The following CLDN12 variants were observed in gnomAD, a reference collection of about 807,000 sequenced individuals.
CLDN12 encodes claudin-12.
A neutral mutation model predicts 15.5 loss-of-function variants in CLDN12; 9 were observed. The ratio of observed to expected loss-of-function variants is 0.58; its 90% confidence interval spans 0.35 to 1.02. The LOEUF (loss-of-function observed/expected upper bound fraction) is 1.02, where lower values mean the gene tolerates loss of function less well. Ranked by LOEUF, CLDN12 falls within the 50% of genes least tolerant of loss-of-function variation. The pLI is 0.02. For synonymous variants in CLDN12, 140 were observed against 121.6 expected (o/e 1.15, Z -1.00); for missense variants, 233 against 297.3 (o/e 0.78, Z 1.59).
intron 2 of CLDN12, among the ~76,000 whole-genome samples, chr7:90,411,692 A>G (rs1796966883): frequency 6.6e-6 from 1 of 152,188 alleles, no homozygotes; most frequent in African/African-American, 2.4e-5. Flanking sequence ...TTCAGGGACC[A>G]TTGTTCTCAT....
intron 2 of CLDN12, among the ~76,000 whole-genome samples, chr7:90,410,555 T>A (rs1796937849): frequency 6.6e-6 from 1 of 152,212 alleles, no homozygotes; most frequent in Non-Finnish European, 1.5e-5. Context: ...TGGGCGCAGT[T>A]GCTCATGACT....
chr7:90,404,017 G>A (rs186995872), intron 1 of CLDN12, among the ~76,000 whole-genome samples: 118 of 145,302 alleles, frequency 8.1e-4, no homozygotes, highest in African/African-American at 2.8e-3. Context: ...AAAGAGGGAG[G>A]AGGAGAGGAG....
rs142246998 is a variant in CLDN12 at position 90,414,551 on chromosome 7, C to T, written c.*1140C>T. On this transcript the variant is annotated 3_prime_UTR_variant, in exon 4 of 4. Transcript: ENST00000496677. The stretch of plus-strand genomic sequence containing the variant: ...ACCTGGCAGTTGGGGAATAATCTGA[C>T]TTCGTTGGCAGTTGGCCTTAACTTC... 7.8e-4 allele frequency: 229 copies of T among 294,278 alleles called. 1 individual carries two copies. The highest frequency in any genetic ancestry group is 4.5e-3 in the African/African-American group (196 of 43,768). 18.2% of individuals were successfully genotyped at this position (294,278 alleles called of 1,614,324 possible).
At chr7:90,412,500 C>T (rs774393759) in intron 3 of CLDN12, 144 bp from the exon 4 acceptor site, 3 of 658,966 alleles carry the variant, frequency 4.6e-6, no homozygotes, top group Non-Finnish European at 7.7e-6. Flanking sequence ...TACATTTGTA[C>T]TGTACAGAGA....
In CLDN12 at chr7:90,413,020, C is replaced by T; in HGVS notation, c.344C>T (p.Ser115Phe). Residue 115 changes from serine to phenylalanine, a missense_variant, in exon 4 of 4, where the codon TCC (serine) becomes TTC (phenylalanine). By Grantham distance (155) the Ser-to-Phe change is radical. Transcript: ENST00000496677. ...GGAATGTGCAACACTGCCTTCAGGT[C>T]CTCGGTGCCCAACATCAAACTGGCC... ...LIGMCNTAFR[S>F]SVPNIKLAKC... 3.1e-6 allele frequency: 5 copies of T among 1,614,210 alleles called. No homozygotes were observed. Among genetic ancestry groups the T allele is most frequent in the Non-Finnish European group, 4.2e-6 (5 of 1,180,040 alleles).
Position 90,415,240 on chromosome 7 carries a change from T to G in CLDN12, c.*1829T>G, listed in dbSNP as rs1468418122. 1.2e-5 allele frequency: 2 copies of G among 165,792 alleles called. No individual in the cohort carries two copies. The allele number at this position is 165,792 out of a possible 1,614,324, so 10.3% of individuals were successfully genotyped here. A position where few individuals can be genotyped will look rare whatever the true frequency, so the allele number is the denominator to read the frequency against. ...TCTGATTTCTTTCACTTCTGATCCT[T>G]TTCCTTTTTCTCAGATGTAGCTGAG... On this transcript the variant is annotated 3_prime_UTR_variant, in exon 4 of 4. Transcript: ENST00000496677.
chr7:90,411,489 G>A (rs376626518), intron 2 of CLDN12, among the ~76,000 whole-genome samples: 3 of 152,162 alleles, frequency 2.0e-5, no homozygotes, highest in Non-Finnish European at 4.4e-5. Context: ...AAGGCCTGGC[G>A]ACTGTTTTTC....
At chr7:90,407,766 A>C (rs1384527909) in intron 2 of CLDN12, among the ~76,000 whole-genome samples, 1 of 152,234 alleles carries the variant, frequency 6.6e-6, no homozygotes, top group Admixed American at 6.5e-5. Flanking sequence ...AGAATGAGTA[A>C]ATATTAGCCA....
At chr7:90,412,597 C>A in intron 3 of CLDN12, 47 bp from the exon 4 acceptor site, 1 of 1,476,250 alleles carries the variant, frequency 6.8e-7, no homozygotes, top group Non-Finnish European at 9.2e-7. Flanking sequence ...CTGCTCTGTT[C>A]TGCTATTGTC....
intron 2 of CLDN12, among the ~76,000 whole-genome samples, chr7:90,409,525 A>G (rs573483555): frequency 1.3e-5 from 2 of 152,292 alleles, no homozygotes; most frequent in African/African-American, 4.8e-5. Flanking sequence ...CCCAGCCAGT[A>G]TATTACTTCT....
intron 2 of CLDN12, among the ~76,000 whole-genome samples, chr7:90,409,406 G>T (rs992863134): frequency 6.6e-6 from 1 of 152,098 alleles, no homozygotes; most frequent in Non-Finnish European, 1.5e-5. Flanking sequence ...ATTTTTAGTA[G>T]AGATGGGGTT....
rs1465816431 is a variant in CLDN12 at position 90,413,834 on chromosome 7, A to G, written c.*423A>G. On this transcript the variant is annotated 3_prime_UTR_variant, in exon 4 of 4. Transcript: ENST00000496677. ...AGGCAGTTTCAAATATAAGAAATTT[A>G]TTTCAGGTAAGGGTAATATTTTAAT... The G allele has an allele frequency of 1.0e-6, 1 of 1,001,766 alleles. No homozygotes were observed. Among genetic ancestry groups the G allele is most frequent in the African/African-American group, 1.7e-5 (1 of 57,240 alleles). 62.1% of individuals were successfully genotyped at this position (1,001,766 alleles called of 1,614,324 possible). A position where few individuals can be genotyped will look rare whatever the true frequency, so the allele number is the denominator to read the frequency against.
In CLDN12 at chr7:90,414,866, A is replaced by T. The variant is rs1457646450; in HGVS notation, c.*1455A>T. 2 of 167,084 alleles carry T rather than the reference A, an allele frequency of 1.2e-5. No individual in the cohort carries two copies. Among genetic ancestry groups the T allele is most frequent in the East Asian group, 1.9e-4 (1 of 5,206 alleles). 10.4% of individuals were successfully genotyped at this position (167,084 alleles called of 1,614,324 possible). On this transcript the variant is annotated 3_prime_UTR_variant, in exon 4 of 4. Coordinates refer to ENST00000496677, the MANE Select transcript of CLDN12 (RefSeq NM_001185072.3). ...GATGAGGTAACAATTAGATGAAACC[A>T]TGTTAAAGCTGAGATGAACACTTAG...
rs1193362122 is a variant in CLDN12, at chr7:90,414,416, T to C, written c.*1005T>C. ...TCGCCCCCGTCACTGATTATTTCCTTGAGCATATATCTCTGCCTAACACTT... is the reference window on the plus strand; with the variant it reads ...TCGCCCCCGTCACTGATTATTTCCTCGAGCATATATCTCTGCCTAACACTT... On this transcript the variant is annotated 3_prime_UTR_variant, in exon 4 of 4. Transcript: ENST00000496677. The C allele has an allele frequency of 9.0e-6, 9 of 999,262 alleles. No homozygotes were observed. Among genetic ancestry groups the C allele is most frequent in the Non-Finnish European group, 1.1e-5 (9 of 829,202 alleles). 61.9% of individuals were successfully genotyped at this position (999,262 alleles called of 1,614,324 possible).
Position 90,415,391 on chromosome 7 carries a change from G to A in CLDN12, c.*1980G>A, listed in dbSNP as rs1220031653. 6.0e-6 allele frequency: 1 copy of A among 166,818 alleles called. No individual in the cohort carries two copies. Among genetic ancestry groups the A allele is most frequent in the African/African-American group, 2.4e-5 (1 of 41,398 alleles). 10.3% of individuals were successfully genotyped at this position (166,818 alleles called of 1,614,324 possible). On this transcript the variant is annotated 3_prime_UTR_variant, in exon 4 of 4. Transcript: ENST00000496677. ...AGGATCAAGAATTCTACCATCCCTT[G>A]GGTCTTTGTGTATAAACAATGTTAA... is the stretch of plus-strand genomic sequence containing the variant.
At chr7:90,404,697 T>C (rs1306080679) in intron 1 of CLDN12, among the ~76,000 whole-genome samples, 2 of 152,146 alleles carry the variant, frequency 1.3e-5, no homozygotes, top group Non-Finnish European at 2.9e-5. Context: ...ACCGTAGTCA[T>C]GAAAATGATC....
chr7:90,413,946 T>C lies in CLDN12; in HGVS notation c.*535T>C. 2 of 993,278 alleles carry C rather than the reference T, an allele frequency of 2.0e-6. No homozygotes were observed. The highest frequency in any genetic ancestry group is 2.4e-6 in the Non-Finnish European group (2 of 824,206). 61.5% of individuals were successfully genotyped at this position (993,278 alleles called of 1,614,324 possible). A position where few individuals can be genotyped will look rare whatever the true frequency, so the allele number is the denominator to read the frequency against. On this transcript the variant is annotated 3_prime_UTR_variant, in exon 4 of 4. Coordinates refer to ENST00000496677, the MANE Select transcript of CLDN12 (RefSeq NM_001185072.3). ...TGTCAGTATGTTGAAGATTACTTTC[T>C]TTTGTGACTTTCTTCTACCTCATGC...
chr7:90,415,342 C>T lies in CLDN12; in HGVS notation c.*1931C>T, dbSNP rs1301013251. ...TTTCCCTTTTTGTTAATTTCAGTCCCCTCTCACTATGCTTTTGTCCAGAAG... is the reference window on the plus strand; with the variant it reads ...TTTCCCTTTTTGTTAATTTCAGTCCTCTCTCACTATGCTTTTGTCCAGAAG... On this transcript the variant is annotated 3_prime_UTR_variant, in exon 4 of 4. Transcript: ENST00000496677. The T allele has an allele frequency of 6.0e-6, 1 of 166,724 alleles. No individual in the cohort carries two copies. Among genetic ancestry groups the T allele is most frequent in the African/African-American group, 2.4e-5 (1 of 41,384 alleles). 10.3% of individuals were successfully genotyped at this position (166,724 alleles called of 1,614,324 possible).
In CLDN12 at chr7:90,413,412, TG is replaced by T. The variant is rs977418221; in HGVS notation, c.*5del. 3 of 1,611,024 alleles carry T rather than the reference TG, an allele frequency of 1.9e-6. No individual in the cohort carries two copies. In the Admixed American group the frequency reaches 5.0e-5, roughly 27 times the overall value. ...TCCAGTAGTTTCACACACCACTTAATGGGGAAATAGTTAATTGTTAAAGAAA... is the reference window on the plus strand; with the variant it reads ...TCCAGTAGTTTCACACACCACTTAATGGGAAATAGTTAATTGTTAAAGAAA... On this transcript the variant is annotated 3_prime_UTR_variant, in exon 4 of 4. Transcript: ENST00000496677.
Sources: allele counts gnomAD v4.1 joint callset (sites outside exome capture counted in the v4.1 genomes callset), GRCh38; gene constraint gnomAD v4.1.1; transcripts MANE v1.5; gene names NCBI Gene and HGNC (gene_info 2026-07-23, HGNC 2026-07-21).